The following ENTPD1 variants were observed in gnomAD, a reference collection of about 807,000 sequenced individuals.
ENTPD1 encodes ATP diphosphohydrolase.
ENTPD1 carries 33 observed loss-of-function variants against 57.0 expected under a neutral mutation model. The ratio of observed to expected loss-of-function variants is 0.58; its 90% CI spans 0.44 to 0.77. The LOEUF (loss-of-function observed/expected upper bound fraction) is 0.77, where lower values mean the gene tolerates loss of function less well. Ranked by LOEUF, ENTPD1 falls within the 30% of genes least tolerant of loss-of-function variation. ENTPD1 has a pLI of 0.00. For synonymous variants in ENTPD1, 202 were observed against 218.8 expected (o/e 0.92, Z 0.68); for missense variants, 501 against 603.4 (o/e 0.83, Z 1.78).
intron 2 of ENTPD1, among the ~76,000 whole-genome samples, chr10:95,826,006 G>C (rs2140598013): frequency 6.6e-6 from 1 of 152,254 alleles, no homozygotes; most frequent in African/African-American, 2.4e-5. Flanking sequence ...GGCTGACAGA[G>C]TAAGACTCTG....
rs2098206934 is a variant in ENTPD1 at position 95,792,134 on chromosome 10, G to GAA, written c.17-31102_17-31101dup. 2.6e-5 allele frequency among the ~76,000 whole-genome samples: 4 copies of GAA among 152,034 alleles called. 1 individual carries two copies. In the South Asian group the frequency reaches 8.3e-4, roughly 32 times the overall value. On this transcript the variant is annotated intron_variant, in intron 1 of 9. Transcript: ENST00000371205. ...ATTAGGAGAAGAGAGCGTGGCTGAA[G>GAA]AAGATGGGAGTGTCCATCAGACAAC...
chr10:95,876,384 T>A lies in ENTPD1; in HGVS notation c.*10001T>A. 2 of 1,231,332 alleles carry A rather than the reference T, an allele frequency of 1.6e-6. No individual in the cohort carries two copies. Among genetic ancestry groups the A allele is most frequent in the Non-Finnish European group, 2.0e-6 (2 of 987,742 alleles). The allele number at this position is 1,231,332 out of a possible 1,614,324, so 76.3% of individuals were successfully genotyped here. A position where few individuals can be genotyped will look rare whatever the true frequency, so the allele number is the denominator to read the frequency against. ...TGAACTACTCAGCACCAATTCTAAGTTTTTCTTGATGGTAAATCATAATGT... is the reference window on the plus strand; with the variant it reads ...TGAACTACTCAGCACCAATTCTAAGATTTTCTTGATGGTAAATCATAATGT... On this transcript the variant is annotated 3_prime_UTR_variant, in exon 10 of 10. Transcript: ENST00000371205.
chr10:95,839,914 G>T lies in ENTPD1; in HGVS notation c.262+106G>T. 2.7e-6 allele frequency: 3 copies of T among 1,092,346 alleles called. No individual in the cohort carries two copies. In the Admixed American group the frequency reaches 5.3e-5, roughly 19 times the overall value. The allele number at this position is 1,092,346 out of a possible 1,614,324, so 67.7% of individuals were successfully genotyped here. On this transcript the variant is annotated intron_variant, in intron 3 of 9. Coordinates refer to ENST00000371205, the MANE Select transcript of ENTPD1 (RefSeq NM_001776.6). ...GAAAAAGGAGTCCCACGCATAGGAA[G>T]CCAAGTGAAGAAAACAGTGCAGCTG...
At chr10:95,769,622 C>T (rs907569428) in intron 1 of ENTPD1, among the ~76,000 whole-genome samples, 7 of 152,160 alleles carry the variant, frequency 4.6e-5, no homozygotes, top group African/African-American at 1.7e-4. Flanking sequence ...ATCCAATTCA[C>T]GTTTTAATAG....
At chr10:95,695,789 GTGTC>G in the ENTPD1 span, among the ~76,000 whole-genome samples, 1 of 152,166 alleles carries the variant, frequency 6.6e-6, no homozygotes, top group African/African-American at 2.4e-5. Context: ...GCCTAGAACA[GTGTC>G]TGGGACATGT....
At chr10:95,808,143 A>G (rs955311976) in intron 1 of ENTPD1, among the ~76,000 whole-genome samples, 1 of 152,202 alleles carries the variant, frequency 6.6e-6, no homozygotes, top group Non-Finnish European at 1.5e-5. Flanking sequence ...GTTGAATTTT[A>G]TAGAAATCCT....
At chr10:95,742,638 ATTTC>A (rs1289285126) in intron 1 of ENTPD1, among the ~76,000 whole-genome samples, 1 of 150,806 alleles carries the variant, frequency 6.6e-6, no homozygotes, top group Non-Finnish European at 1.5e-5. Flanking sequence ...TAACAAGGCC[ATTTC>A]CGTGTCTTGG....
the ENTPD1 span, among the ~76,000 whole-genome samples, chr10:95,703,859 G>A: frequency 6.6e-6 from 1 of 151,330 alleles, no homozygotes; most frequent in Admixed American, 6.6e-5. Context: ...GCGAGGCTGA[G>A]GTGGGTGGAT....
intron 1 of ENTPD1, among the ~76,000 whole-genome samples, chr10:95,804,316 T>C (rs544931577): frequency 6.6e-6 from 1 of 152,252 alleles, no homozygotes; most frequent in Non-Finnish European, 1.5e-5. Context: ...TTCCTATCCA[T>C]GAGCATGGAA....
chr10:95,835,120 G>A (rs2098406571), intron 2 of ENTPD1, among the ~76,000 whole-genome samples: 2 of 152,044 alleles, frequency 1.3e-5, no homozygotes, highest in Non-Finnish European at 2.9e-5. Flanking sequence ...GGAATCCCTA[G>A]TGTTTATTGT....
chr10:95,821,302 C>T (rs2098350203), intron 1 of ENTPD1, among the ~76,000 whole-genome samples: 1 of 152,186 alleles, frequency 6.6e-6, no homozygotes, highest in African/African-American at 2.4e-5. Flanking sequence ...GAAGGATGGG[C>T]TCAGCATTTG....
intron 1 of ENTPD1, among the ~76,000 whole-genome samples, chr10:95,725,547 T>C (rs1266375402): frequency 6.6e-6 from 1 of 152,242 alleles, no homozygotes; most frequent in Non-Finnish European, 1.5e-5. Flanking sequence ...GTGTAGCTAC[T>C]GATACCTCTG....
chr10:95,836,029 A>G (rs1199508781), intron 2 of ENTPD1, among the ~76,000 whole-genome samples: 1 of 152,182 alleles, frequency 6.6e-6, no homozygotes, highest in African/African-American at 2.4e-5. Flanking sequence ...GTGTAGTTTC[A>G]TACTTCTACA....
intron 1 of ENTPD1, among the ~76,000 whole-genome samples, chr10:95,816,972 C>A (rs1313134712): frequency 1.3e-5 from 2 of 152,178 alleles, no homozygotes; most frequent in African/African-American, 2.4e-5. Context: ...GCTCATTGAA[C>A]CTTACATAGC....
chr10:95,866,082 G>T, intron 9 of ENTPD1, 95 bp from the exon 10 acceptor site: 1 of 1,500,182 alleles, frequency 6.7e-7, no homozygotes. Context: ...TATATTGTTT[G>T]AACTCTTCCA....
chr10:95,780,327 T>C (rs1295180498), intron 1 of ENTPD1, among the ~76,000 whole-genome samples: 7 of 152,166 alleles, frequency 4.6e-5, no homozygotes, highest in Non-Finnish European at 1.0e-4. Flanking sequence ...CCTATAAATA[T>C]GAATCTTATG....
At chr10:95,757,600 G>T (rs2098033149) in intron 1 of ENTPD1, among the ~76,000 whole-genome samples, 1 of 152,124 alleles carries the variant, frequency 6.6e-6, no homozygotes, top group Non-Finnish European at 1.5e-5. Flanking sequence ...TGGTGCTCAT[G>T]GCCATTCTCT....
At chr10:95,830,152 G>A (rs1479105190) in intron 2 of ENTPD1, among the ~76,000 whole-genome samples, 2 of 152,152 alleles carry the variant, frequency 1.3e-5, no homozygotes, top group Non-Finnish European at 2.9e-5. Flanking sequence ...AACAGAGAAT[G>A]GACTAAGACA....
intron 2 of ENTPD1, among the ~76,000 whole-genome samples, chr10:95,837,667 C>T (rs950429588): frequency 5.3e-5 from 8 of 152,036 alleles, no homozygotes; most frequent in Non-Finnish European, 7.4e-5. Flanking sequence ...CGGTGGTACT[C>T]CCTGGTCTAG....
Sources: gnomAD v4.1 joint callset for allele counts (sites outside exome capture counted in the v4.1 genomes callset) on GRCh38, gnomAD v4.1.1 for gene constraint, MANE v1.5 for transcripts, NCBI Gene and HGNC (gene_info 2026-07-23, HGNC 2026-07-21) for gene names.